Variants in VPS13A observed in about 807,000 individuals in gnomAD.
VPS13A encodes the protein intermembrane lipid transfer protein VPS13A.
In VPS13A, 264 loss-of-function variants were observed where a neutral mutation model predicts 390.9. The observed-to-expected ratio is 0.68, with a 90% CI of 0.61 to 0.75. VPS13A has a LOEUF of 0.75. Among genes scored for constraint, VPS13A ranks in the 30% least tolerant of loss-of-function variants. The pLI is 0.00. For missense variants in VPS13A, 3,409 were observed against 3,733.9 expected, an observed-to-expected ratio of 0.91 and a Z score of 2.27; for synonymous variants, 1,231 against 1,227.1, an observed-to-expected ratio of 1.00 and a Z score of -0.07.
intron 57 of VPS13A, among the ~76,000 whole-genome samples, chr9:77,358,779 A>T (rs895155112): frequency 6.6e-6 from 1 of 152,198 alleles, no homozygotes; most frequent in Non-Finnish European, 1.5e-5. Context: ...AACAGCAGAA[A>T]CTGTCCTATG....
chr9:77,236,157 A>G (rs957374146), intron 17 of VPS13A, among the ~76,000 whole-genome samples: 1 of 152,178 alleles, frequency 6.6e-6, no homozygotes, highest in Non-Finnish European at 1.5e-5. Context: ...CAATGATTTT[A>G]TTGGGACATA....
chr9:77,333,730 CTCTAT>C (rs781141240), intron 46 of VPS13A, among the ~76,000 whole-genome samples: 29 of 152,054 alleles, frequency 1.9e-4, no homozygotes, highest in Non-Finnish European at 2.8e-4. Context: ...GGCTATCTTT[CTCTAT>C]TCTATTTCTA....
chr9:77,370,628 A>G, intron 65 of VPS13A, 50 bp downstream of exon 65: 6 of 1,611,020 alleles, frequency 3.7e-6, no homozygotes, highest in Non-Finnish European at 5.1e-6. Flanking sequence ...TCTTTTAAAC[A>G]AACCTACATT....
At chr9:77,404,012 GACT>G (rs1056012670) in intron 69 of VPS13A, among the ~76,000 whole-genome samples, 3 of 152,296 alleles carry the variant, frequency 2.0e-5, no homozygotes, top group East Asian at 1.9e-4. Context: ...GGTTCAAGGT[GACT>G]ACTAAGCAGT....
chr9:77,391,989 A>T (rs1250827757), intron 68 of VPS13A, among the ~76,000 whole-genome samples: 2 of 152,222 alleles, frequency 1.3e-5, no homozygotes, highest in South Asian at 2.1e-4. Context: ...CTCATCTCTC[A>T]TGAGTTTATA....
rs191869183 is a variant in VPS13A at position 77,395,059 on chromosome 9, A to G, written c.9190-8177A>G. 3.9e-5 allele frequency among the ~76,000 whole-genome samples: 6 copies of G among 152,250 alleles called. No homozygotes were observed. In the East Asian group the frequency reaches 1.2e-3, roughly 29 times the overall value. On this transcript the variant is annotated intron_variant, in intron 68 of 71. Transcript: ENST00000360280. ...TTCACTGGAGTAACACTTTCATAAT[A>G]CTTTCCTTCAAGAATTTTTCCTTTG...
intron 68 of VPS13A, among the ~76,000 whole-genome samples, chr9:77,401,120 C>T (rs1420878134): frequency 6.6e-6 from 1 of 152,138 alleles, no homozygotes; most frequent in Admixed American, 6.6e-5. Context: ...GATATGTCTG[C>T]ATATACTTTA....
intron 34 of VPS13A, among the ~76,000 whole-genome samples, chr9:77,306,629 G>C (rs1828769443): frequency 6.6e-6 from 1 of 152,092 alleles, no homozygotes; most frequent in African/African-American, 2.4e-5. Context: ...GAGGAGGTCA[G>C]TCTTTTTTTA....
At chr9:77,214,137 A>G (rs1233926815) in intron 9 of VPS13A, among the ~76,000 whole-genome samples, 192 bp from the exon 10 acceptor site, 2 of 151,974 alleles carry the variant, frequency 1.3e-5, no homozygotes, top group African/African-American at 4.8e-5. Context: ...TTAGCCAGGC[A>G]CGGTGGGGCA....
Position 77,232,695 on chromosome 9 carries a change from C to T in VPS13A, c.1595+4431C>T, listed in dbSNP as rs1172749626. On this transcript the variant is annotated intron_variant, in intron 17 of 71. Coordinates refer to ENST00000360280, the MANE Select transcript of VPS13A (RefSeq NM_033305.3). ...TTATATGGAGGCAGGCAAGAGAGAG[C>T]TTGTGCAGGGGAGCTCCCTTTATAA... Among the ~76,000 whole-genome samples the T allele has an allele frequency of 2.0e-5, 3 of 152,066 alleles. No homozygotes were observed. The East Asian group carries it at 5.8e-4, about 29-fold the overall frequency.
rs187131793 is a variant in VPS13A at position 77,276,311 on chromosome 9, G to A, written c.2824+90G>A. On this transcript the variant is annotated intron_variant, in intron 26 of 71. Coordinates refer to ENST00000360280, the MANE Select transcript of VPS13A (RefSeq NM_033305.3). ...TTTCAATTCTTTAGGCTCTGAATCAGTACATTTGCTGAAATATTCTCAGAG... is the reference window on the plus strand; with the variant it reads ...TTTCAATTCTTTAGGCTCTGAATCAATACATTTGCTGAAATATTCTCAGAG... The A allele has an allele frequency of 4.4e-3, 5,333 of 1,199,458 alleles. 17 individuals are homozygous for A. The highest frequency in any genetic ancestry group is 6.6e-3 in the Middle Eastern group (23 of 3,494). The allele number at this position is 1,199,458 out of a possible 1,614,324, so 74.3% of individuals were successfully genotyped here.
intron 23 of VPS13A, among the ~76,000 whole-genome samples, chr9:77,263,951 G>T (rs868589397): frequency 6.6e-6 from 1 of 152,132 alleles, no homozygotes; most frequent in East Asian, 1.9e-4. Context: ...TCCAGTTTCA[G>T]TTTTCTGCAT....
intron 71 of VPS13A, among the ~76,000 whole-genome samples, chr9:77,413,366 C>G (rs890569225): frequency 2.0e-5 from 3 of 152,316 alleles, no homozygotes; most frequent in East Asian, 1.9e-4. Flanking sequence ...GTAACCAAAA[C>G]AGCATGGTAC....
rs1234694375 is a variant in VPS13A at position 77,205,971 on chromosome 9, C to T, written c.284-7C>T. On this transcript the variant is annotated splice_polypyrimidine_tract_variant and splice_region_variant and intron_variant, in intron 4 of 71. Coordinates refer to ENST00000360280, the MANE Select transcript of VPS13A (RefSeq NM_033305.3). ...GTTATGATTCTTCCTTTTTAATCTTCCTATAGGAATAAAATATGATCCTTT... is the reference window on the plus strand; with the variant it reads ...GTTATGATTCTTCCTTTTTAATCTTTCTATAGGAATAAAATATGATCCTTT... 1.3e-6 allele frequency: 2 copies of T among 1,522,382 alleles called. No individual in the cohort carries two copies. The highest frequency in any genetic ancestry group is 1.8e-6 in the Non-Finnish European group (2 of 1,118,484). The allele number at this position is 1,522,382 out of a possible 1,614,324, so 94.3% of individuals were successfully genotyped here. A position where few individuals can be genotyped will look rare whatever the true frequency, so the allele number is the denominator to read the frequency against.
chr9:77,392,188 C>T (rs565486760), intron 68 of VPS13A, among the ~76,000 whole-genome samples: 1 of 152,204 alleles, frequency 6.6e-6, no homozygotes, highest in South Asian at 2.1e-4. Context: ...AGACAGTGAT[C>T]CCTAGGTATT....
At chr9:77,340,962 GATTTTGTGCCATCAT>G (rs1039048106) in intron 50 of VPS13A, among the ~76,000 whole-genome samples, 2 of 152,278 alleles carry the variant, frequency 1.3e-5, no homozygotes, top group African/African-American at 4.8e-5. Context: ...GTGAAATTTT[GATTTTGTGCCATCAT>G]TAAATCTTTG....
chr9:77,349,516 G>GA (rs1831339979), intron 52 of VPS13A, among the ~76,000 whole-genome samples: 2 of 152,058 alleles, frequency 1.3e-5, no homozygotes, highest in African/African-American at 2.4e-5. Flanking sequence ...TCCCTGCAAA[G>GA]CATGATTTTT....
chr9:77,381,453 T>C (rs987550567), intron 67 of VPS13A, among the ~76,000 whole-genome samples: 1 of 152,174 alleles, frequency 6.6e-6, no homozygotes, highest in Non-Finnish European at 1.5e-5. Flanking sequence ...TACCATGTGA[T>C]CAAAACAATG....
At position 77,420,551 on chromosome 9, in the gene VPS13A, G is replaced by T. The variant is rs1011611266; in HGVS notation, c.*4545G>T. ...ACTTCAATTTTTTAGGTTGATATGG[G>T]TATATTTTTAAAGTTTTTATTACTT... On this transcript the variant is annotated 3_prime_UTR_variant, in exon 72 of 72. Transcript: ENST00000360280. The T allele has an allele frequency of 3.3e-5, 5 of 151,786 alleles. No individual in the cohort carries two copies. Among genetic ancestry groups the T allele is most frequent in the African/African-American group, 9.7e-5 (4 of 41,288 alleles). The allele number at this position is 151,786 out of a possible 1,614,324, so 9.4% of individuals were successfully genotyped here. A position where few individuals can be genotyped will look rare whatever the true frequency, so the allele number is the denominator to read the frequency against.
Sources: gnomAD v4.1 joint callset for allele counts (sites outside exome capture counted in the v4.1 genomes callset) on GRCh38, gnomAD v4.1.1 for gene constraint, MANE v1.5 for transcripts, NCBI Gene and HGNC (gene_info 2026-07-23, HGNC 2026-07-21) for gene names.